TRIM11: variants seen among roughly 807,000 people sequenced by gnomAD.
TRIM11 encodes tripartite motif containing 11.
Under a neutral mutation model 33.4 loss-of-function variants are expected in TRIM11, and 15 were observed. The ratio of observed to expected loss-of-function variants is 0.45; its 90% CI spans 0.30 to 0.69. TRIM11 has a LOEUF of 0.69. TRIM11 is among the 30% of genes least tolerant of loss of function. The pLI is 0.08. For missense variants in TRIM11, 499 were observed against 667.6 expected, an observed-to-expected ratio of 0.75 and a Z score of 2.78; for synonymous variants, 281 against 302.6, an observed-to-expected ratio of 0.93 and a Z score of 0.74.
At chr1:228,396,381 G>A in intron 5 of TRIM11, 1 of 461,598 alleles carries the variant, frequency 2.2e-6, no homozygotes, top group Non-Finnish European at 3.9e-6. Context: ...TGAGCACACT[G>A]AGGTGCTGGG....
intron 3 of TRIM11, among the ~76,000 whole-genome samples, chr1:228,399,215 C>T (rs1239159646): frequency 6.6e-6 from 1 of 152,140 alleles, no homozygotes; most frequent in Non-Finnish European, 1.5e-5. Flanking sequence ...CCACCTGTCC[C>T]TCTCAAACCA....
chr1:228,400,950 C>G lies in TRIM11; in HGVS notation c.735+14G>C. 6.5e-7 allele frequency: 1 copy of G among 1,544,176 alleles called. No individual in the cohort carries two copies. The highest frequency in any genetic ancestry group is 1.2e-5 in the South Asian group (1 of 81,182). On this transcript the variant is annotated intron_variant, in intron 3 of 5. Coordinates refer to ENST00000284551, the MANE Select transcript of TRIM11 (RefSeq NM_145214.3). The surrounding 1 kb of genome is among the most constrained non-coding windows in gnomAD (Gnocchi z 4.5). The stretch of plus-strand genomic sequence containing the variant: ...GCCCGTGTGGCCACCATGGCTGCTC[C>G]CCGCCCAGCTCACCTGCAGCAGCCC...
At position 228,401,254 on chromosome 1, in the gene TRIM11, G is replaced by A. The variant is rs1656211761; in HGVS notation, c.505-60C>T. 6.4e-7 allele frequency: 1 copy of A among 1,562,562 alleles called. No individual in the cohort carries two copies. On this transcript the variant is annotated intron_variant, in intron 2 of 5. Transcript: ENST00000284551. This position sits in a 1 kb window ranked among gnomAD's most constrained non-coding sequence, Gnocchi z 6.1. ...GACCCCAGGCCCAGCCAGACCCCAAGTTTGGTCAGACCCCAAGCCCACCCA... is the reference window on the plus strand; with the variant it reads ...GACCCCAGGCCCAGCCAGACCCCAAATTTGGTCAGACCCCAAGCCCACCCA...
At position 228,406,227 on chromosome 1, in the gene TRIM11, G is replaced by A; in HGVS notation, c.335C>T (p.Ala112Val). The A allele has an allele frequency of 2.7e-6, 4 of 1,490,368 alleles. No individual in the cohort carries two copies. The highest frequency in any genetic ancestry group is 3.5e-6 in the Non-Finnish European group (4 of 1,128,000). 92.3% of individuals were successfully genotyped at this position (1,490,368 alleles called of 1,614,324 possible). A position where few individuals can be genotyped will look rare whatever the true frequency, so the allele number is the denominator to read the frequency against. Residue 112 changes from alanine to valine, a missense_variant, in exon 1 of 6, where the codon GCG (alanine) becomes GTG (valine). By Grantham distance (64) the Ala-to-Val change is moderately conservative. Transcript: ENST00000284551. This position sits in a 1 kb window ranked among gnomAD's most constrained non-coding sequence, Gnocchi z 8.2. ...GTGCTCCCCAGAGCGCTCGCAGGCC[G>A]CACACAGGAGGCGCAGCTCGTCGCC... ...FCGDELRLLC[A>V]ACERSGEHWA...
At position 228,396,567 on chromosome 1, in the gene TRIM11, G is replaced by A. The variant is rs528202983; in HGVS notation, c.859+380C>T. On this transcript the variant is annotated intron_variant, in intron 5 of 5. Coordinates refer to ENST00000284551, the MANE Select transcript of TRIM11 (RefSeq NM_145214.3). ...AGCGAATGCTCACATCTGCAGAGGC[G>A]CTGAGGGAACAGAAGTATGGGCAGC... 72 of 645,562 alleles carry A rather than the reference G, an allele frequency of 1.1e-4. No homozygotes were observed. The South Asian group carries it at 1.2e-3, about 11-fold the overall frequency. The allele number at this position is 645,562 out of a possible 1,614,324, so 40.0% of individuals were successfully genotyped here. A position where few individuals can be genotyped will look rare whatever the true frequency, so the allele number is the denominator to read the frequency against.
In TRIM11 at chr1:228,401,241, A is replaced by C. The variant is rs1189215147; in HGVS notation, c.505-47T>G. The stretch of plus-strand genomic sequence containing the variant: ...ACAGCTGAGGCCAGACCCCAGGCCC[A>C]GCCAGACCCCAAGTTTGGTCAGACC... On this transcript the variant is annotated intron_variant, in intron 2 of 5. Coordinates refer to ENST00000284551, the MANE Select transcript of TRIM11 (RefSeq NM_145214.3). The surrounding 1 kb of genome is among the most constrained non-coding windows in gnomAD (Gnocchi z 6.1). 5 of 1,582,282 alleles carry C rather than the reference A, an allele frequency of 3.2e-6. No individual in the cohort carries two copies. The highest frequency in any genetic ancestry group is 2.6e-6 in the Non-Finnish European group (3 of 1,161,736).
At position 228,397,252 on chromosome 1, in the gene TRIM11, C is replaced by G. The variant is rs1047240321; in HGVS notation, c.736-87G>C. On this transcript the variant is annotated intron_variant, in intron 3 of 5. Transcript: ENST00000284551. ...CCTCCCCGCCCCTGGAGCCTCGCCCCGTCCCCCTCTCCTACATTTGAGCGT... is the reference window on the plus strand; with the variant it reads ...CCTCCCCGCCCCTGGAGCCTCGCCCGGTCCCCCTCTCCTACATTTGAGCGT... The G allele has an allele frequency of 4.7e-6, 7 of 1,488,338 alleles. No homozygotes were observed. In the South Asian group the frequency reaches 7.5e-5, roughly 16 times the overall value. 92.2% of individuals were successfully genotyped at this position (1,488,338 alleles called of 1,614,324 possible). A position where few individuals can be genotyped will look rare whatever the true frequency, so the allele number is the denominator to read the frequency against.
At chr1:228,404,571 A>C (rs770704090) in intron 1 of TRIM11, 1 of 152,238 alleles carries the variant, frequency 6.6e-6, no homozygotes, top group Non-Finnish European at 1.5e-5. Flanking sequence ...TTCTGAGTAA[A>C]AGCAGATGCA....
rs1574085675 is a variant in TRIM11, at chr1:228,400,462, C to T, written c.735+502G>A. ...GGGCCGGCTCAGGGAGTGGAGCCCACACATGGGAAAAGACTCTCCTGGAAG... is the reference window on the plus strand; with the variant it reads ...GGGCCGGCTCAGGGAGTGGAGCCCATACATGGGAAAAGACTCTCCTGGAAG... On this transcript the variant is annotated intron_variant, in intron 3 of 5. Transcript: ENST00000284551. This position sits in a 1 kb window ranked among gnomAD's most constrained non-coding sequence, Gnocchi z 4.5. 6.6e-6 allele frequency among the ~76,000 whole-genome samples: 1 copy of T among 152,298 alleles called. No homozygotes were observed. Among genetic ancestry groups the T allele is most frequent in the South Asian group, 2.1e-4 (1 of 4,830 alleles).
chr1:228,397,258 C>T (rs2074994973), intron 3 of TRIM11, 93 bp from the exon 4 acceptor site: 1 of 1,465,998 alleles, frequency 6.8e-7, no homozygotes, highest in East Asian at 2.3e-5. Context: ...GCCCCGTCCC[C>T]CTCTCCTACA....
At chr1:228,397,519 C>G (rs1452505586) in intron 3 of TRIM11, 2 of 292,106 alleles carry the variant, frequency 6.8e-6, no homozygotes, top group South Asian at 1.4e-4. Flanking sequence ...AGGCACACAT[C>G]CCAGCCTTCA....
chr1:228,406,403 G>A lies in TRIM11; in HGVS notation c.159C>T (p.Cys53=). The A allele has an allele frequency of 1.3e-6, 2 of 1,564,186 alleles. No individual in the cohort carries two copies. Among genetic ancestry groups the A allele is most frequent in the African/African-American group, 1.4e-5 (1 of 71,302 alleles). Reference sequence around the variant, plus strand: ...GCGGGGACAGCTCGCGGCACTCGGGGCACGCGTACGGGCCCTCGGGCTGGC... The same window carrying A: ...GCGGGGACAGCTCGCGGCACTCGGGACACGCGTACGGGCCCTCGGGCTGGC... ...CWGQPEGPYA[C]PECRELSPQR... is the part of the protein sequence containing the mutation. Residue 53 remains cysteine, a synonymous_variant, in exon 1 of 6, where the codon TGC becomes TGT. Coordinates refer to ENST00000284551, the MANE Select transcript of TRIM11 (RefSeq NM_145214.3). The surrounding 1 kb of genome is among the most constrained non-coding windows in gnomAD (Gnocchi z 8.2).
At position 228,406,623 on chromosome 1, in the gene TRIM11, G is replaced by C; in HGVS notation, c.-62C>G. On this transcript the variant is annotated 5_prime_UTR_variant, in exon 1 of 6. Coordinates refer to ENST00000284551, the MANE Select transcript of TRIM11 (RefSeq NM_145214.3). The surrounding 1 kb of genome is among the most constrained non-coding windows in gnomAD (Gnocchi z 8.2). ...GGGGCGGCGGCGGGCGGCCTCGGCA[G>C]CTCGCGGGGACGCGGGGTATCCGGG... 1.5e-6 allele frequency: 2 copies of C among 1,367,356 alleles called. No homozygotes were observed. The highest frequency in any genetic ancestry group is 1.9e-6 in the Non-Finnish European group (2 of 1,060,816). The allele number at this position is 1,367,356 out of a possible 1,614,324, so 84.7% of individuals were successfully genotyped here. A position where few individuals can be genotyped will look rare whatever the true frequency, so the allele number is the denominator to read the frequency against.
chr1:228,404,890 T>G (rs1036691840), intron 1 of TRIM11: 1 of 152,270 alleles, frequency 6.6e-6, no homozygotes, highest in African/African-American at 2.4e-5. Context: ...ACTTAAAATA[T>G]TAATCAAATT....
chr1:228,405,785 T>G, intron 1 of TRIM11: 1 of 209,372 alleles, frequency 4.8e-6, no homozygotes, highest in Non-Finnish European at 9.5e-6. Context: ...TTTCCTCTGA[T>G]TCCAGCTCCT....
At position 228,395,177 on chromosome 1, in the gene TRIM11, C is replaced by A. The variant is rs1179507209; in HGVS notation, c.935G>T (p.Gly312Val). ...GTCCGGCAGGGCCTGCCGTAGGTCC[C>A]CCCGCTGCACGCTCCGCCTGTCTTC... ...LSEDRRSVQR[G>V]DLRQALPDSP... Residue 312 changes from glycine (G) to valine (V), a missense_variant, in exon 6 of 6, where the codon GGG becomes GTG. Coordinates refer to ENST00000284551, the MANE Select transcript of TRIM11 (RefSeq NM_145214.3). The surrounding 1 kb of genome is among the most constrained non-coding windows in gnomAD (Gnocchi z 4.8). 6.6e-7 allele frequency: 1 copy of A among 1,515,382 alleles called. No homozygotes were observed. The highest frequency in any genetic ancestry group is 1.3e-5 in the South Asian group (1 of 76,830). The allele number at this position is 1,515,382 out of a possible 1,614,324, so 93.9% of individuals were successfully genotyped here.
rs1558444631 is a variant in TRIM11, at chr1:228,394,818, T to C, written c.1294A>G (p.Ile432Val). The change falls in exon 6 of 6, where the codon ATC becomes GTC. Residue 432 changes from isoleucine to valine, a missense_variant. Physicochemically the swap from Ile to Val is conservative, Grantham distance 29. Coordinates refer to ENST00000284551, the MANE Select transcript of TRIM11 (RefSeq NM_145214.3). This position sits in a 1 kb window ranked among gnomAD's most constrained non-coding sequence, Gnocchi z 6.2. ...GGCCGCAGCGTCCCCGAGAAGGGGA[T>C]CTCGGGAAAGATGAATAGCAGTGAC... ...DGSLLFIFPE[I>V]PFSGTLRPLF... is the part of the protein sequence containing the mutation. The C allele has an allele frequency of 9.9e-6, 16 of 1,613,080 alleles. No individual in the cohort carries two copies. Among genetic ancestry groups the C allele is most frequent in the Non-Finnish European group, 1.2e-5 (14 of 1,179,726 alleles).
chr1:228,394,673 G>A lies in TRIM11; in HGVS notation c.*32C>T. The A allele has an allele frequency of 1.9e-6, 3 of 1,549,972 alleles. No homozygotes were observed. The highest frequency in any genetic ancestry group is 2.6e-6 in the Non-Finnish European group (3 of 1,145,536). On this transcript the variant is annotated 3_prime_UTR_variant, in exon 6 of 6. Transcript: ENST00000284551. This position sits in a 1 kb window ranked among gnomAD's most constrained non-coding sequence, Gnocchi z 6.2. ...CACTCAGTGGCCTGGAGGGGCAGGAGAGGCAACAGGACTCCTCCAGGAGGG... is the reference window on the plus strand; with the variant it reads ...CACTCAGTGGCCTGGAGGGGCAGGAAAGGCAACAGGACTCCTCCAGGAGGG...
Position 228,401,261 on chromosome 1 carries a change from C to G in TRIM11, c.505-67G>C. ...GGCCCAGCCAGACCCCAAGTTTGGT[C>G]AGACCCCAAGCCCACCCAGAGGCCT... On this transcript the variant is annotated intron_variant, in intron 2 of 5. Transcript: ENST00000284551. This position sits in a 1 kb window ranked among gnomAD's most constrained non-coding sequence, Gnocchi z 6.1. 3 of 1,550,796 alleles carry G rather than the reference C, an allele frequency of 1.9e-6. No homozygotes were observed. In the East Asian group the frequency reaches 7.0e-5, roughly 36 times the overall value.
Sources: allele counts gnomAD v4.1 joint callset (sites outside exome capture counted in the v4.1 genomes callset), GRCh38; gene constraint gnomAD v4.1.1; non-coding constraint Gnocchi (gnomAD v3.1); transcripts MANE v1.5; gene names NCBI Gene and HGNC (gene_info 2026-07-23, HGNC 2026-07-21).